The following ZNF518A variants were observed in gnomAD, a reference collection of about 807,000 sequenced individuals.
ZNF518A encodes zinc finger protein 518.
In ZNF518A, 47 loss-of-function variants were observed where a neutral mutation model predicts 102.7. The ratio of observed to expected loss-of-function variants is 0.46; its 90% CI spans 0.36 to 0.58. ZNF518A has a LOEUF of 0.58. Among genes scored for constraint, ZNF518A ranks in the 20% least tolerant of loss-of-function variants. The pLI, the probability that ZNF518A is intolerant of heterozygous loss-of-function variation, is 0.00. For missense variants in ZNF518A, 1,793 were observed against 1,699.8 expected, an observed-to-expected ratio of 1.05 and a Z score of -0.96; for synonymous variants, 652 against 594.6, an observed-to-expected ratio of 1.10 and a Z score of -1.40.
chr10:96,202,614 A>T (rs1440760272), intron 1 of ZNF518A, among the ~76,000 whole-genome samples: 2 of 152,100 alleles, frequency 1.3e-5, no homozygotes, highest in East Asian at 3.8e-4. Context: ...TTGTAAGAGG[A>T]GGGGGCAGTG....
intron 1 of ZNF518A, among the ~76,000 whole-genome samples, chr10:96,187,803 G>T (rs140908119): frequency 6.6e-6 from 1 of 152,268 alleles, no homozygotes; most frequent in East Asian, 1.9e-4. Flanking sequence ...CCATTTGTTT[G>T]TCAGCCATTG....
intron 1 of ZNF518A, chr10:96,201,146 G>T: frequency 8.4e-7 from 1 of 1,184,914 alleles, no homozygotes; most frequent in African/African-American, 1.5e-5. Context: ...ACTAGGTGCT[G>T]CCAGGGACAC....
rs183937803 is a variant in ZNF518A, at chr10:96,197,871, G to A, written n.36-5703G>A. Among the ~76,000 whole-genome samples, 476 of 149,464 alleles carry A rather than the reference G, an allele frequency of 3.2e-3. 2 individuals are homozygous for A. The highest frequency in any genetic ancestry group is 5.9e-3 in the Admixed American group (88 of 14,944). On this transcript the variant is annotated intron_variant and non_coding_transcript_variant, in intron 1 of 2. Coordinates refer to the ZNF518A transcript ENST00000442635. ...ACGGAGTTTGCAGTGAGCCAAGATCGTGCCACTGCACTCCAGCCTGGGTGA... is the reference window on the plus strand; with the variant it reads ...ACGGAGTTTGCAGTGAGCCAAGATCATGCCACTGCACTCCAGCCTGGGTGA...
chr10:96,195,941 C>G (rs2083454585), intron 1 of ZNF518A, among the ~76,000 whole-genome samples: 1 of 152,214 alleles, frequency 6.6e-6, no homozygotes, highest in African/African-American at 2.4e-5. Context: ...CAAGTGTACA[C>G]TGAAGCCAGT....
chr10:96,170,814 A>T (rs1441828454), intron 1 of ZNF518A, among the ~76,000 whole-genome samples: 3 of 152,222 alleles, frequency 2.0e-5, no homozygotes, highest in African/African-American at 7.2e-5. Context: ...ATTGGGAAGA[A>T]ATGTTGTATA....
intron 1 of ZNF518A, among the ~76,000 whole-genome samples, chr10:96,178,107 C>A (rs1554891685): frequency 1.3e-5 from 2 of 152,054 alleles, no homozygotes; most frequent in Admixed American, 1.3e-4. Context: ...AAGACTAGAG[C>A]CATATTATCA....
chr10:96,135,237 A>G (rs1440887561), intron 3 of ZNF518A: 3 of 152,240 alleles, frequency 2.0e-5, no homozygotes, highest in Admixed American at 1.3e-4. Context: ...GTGAAGCCAT[A>G]AGGAGATGGG....
chr10:96,167,193 G>C (rs975650944), downstream of ZNF518A, among the ~76,000 whole-genome samples: 1 of 152,226 alleles, frequency 6.6e-6, no homozygotes, highest in African/African-American at 2.4e-5. Flanking sequence ...GAGTGCAGTG[G>C]TTCATGCCTG....
chr10:96,174,132 TAAAA>T (rs1334104324), intron 1 of ZNF518A, among the ~76,000 whole-genome samples: 4 of 151,858 alleles, frequency 2.6e-5, no homozygotes, highest in Admixed American at 2.0e-4. Context: ...ATTTAAAAAA[TAAAA>T]AAACTTACTG....
In ZNF518A at chr10:96,158,584, T is replaced by C. The variant is rs1340843244; in HGVS notation, c.2262T>C (p.Ser754=). Residue 754 remains serine (S), a synonymous_variant, in exon 6 of 6, where the codon TCT becomes TCC. Transcript: ENST00000316045. ...ATEKSKWEDF[S]NVDSPMMPRI... ...AAAAATCTAAATGGGAAGACTTTTC[T>C]AATGTCGATTCACCTATGATGCCTA... The C allele has an allele frequency of 1.9e-6, 3 of 1,613,200 alleles. No individual in the cohort carries two copies. The highest frequency in any genetic ancestry group is 1.7e-5 in the Admixed American group (1 of 59,844).
At position 96,156,197 on chromosome 10, in the gene ZNF518A, G is replaced by T; in HGVS notation, c.-126G>T. The T allele has an allele frequency of 1.3e-6, 1 of 780,462 alleles. No individual in the cohort carries two copies. Among genetic ancestry groups the T allele is most frequent in the Non-Finnish European group, 1.8e-6 (1 of 544,144 alleles). The allele number at this position is 780,462 out of a possible 1,614,324, so 48.3% of individuals were successfully genotyped here. On this transcript the variant is annotated splice_region_variant and 5_prime_UTR_variant, in exon 6 of 6. Transcript: ENST00000316045. ...ATTTCAATTCTTTGTTTAATTTTAG[G>T]TGAGTTATTGTGGGAAAAATCCTGT...
intron 1 of ZNF518A, among the ~76,000 whole-genome samples, chr10:96,178,915 T>C (rs985243704): frequency 6.6e-6 from 1 of 152,102 alleles, no homozygotes; most frequent in East Asian, 1.9e-4. Flanking sequence ...GAAATCATAA[T>C]TGAAAACCTT....
At chr10:96,149,184 GT>G (rs1208230894) in intron 3 of ZNF518A, among the ~76,000 whole-genome samples, 1 of 152,168 alleles carries the variant, frequency 6.6e-6, no homozygotes, top group Admixed American at 6.5e-5. Flanking sequence ...GTTTATAAAT[GT>G]TTATTTTCGG....
intron 3 of ZNF518A, among the ~76,000 whole-genome samples, chr10:96,139,255 A>G (rs2081786271): frequency 6.6e-6 from 1 of 151,992 alleles, no homozygotes; most frequent in African/African-American, 2.4e-5. Flanking sequence ...AAAGAGATTA[A>G]ATTTTATTTT....
intron 1 of ZNF518A, among the ~76,000 whole-genome samples, chr10:96,176,235 T>G (rs1429759606): frequency 6.6e-6 from 1 of 152,066 alleles, no homozygotes; most frequent in Non-Finnish European, 1.5e-5. Flanking sequence ...GCCTATAAAT[T>G]TTTTCTTGAA....
intron 1 of ZNF518A, among the ~76,000 whole-genome samples, chr10:96,174,819 G>A (rs1564801386): frequency 1.3e-5 from 2 of 152,100 alleles, no homozygotes; most frequent in Non-Finnish European, 2.9e-5. Flanking sequence ...TTGAATGTTT[G>A]AGTCCCCCAC....
Position 96,163,437 on chromosome 10 carries a change from T to G in ZNF518A, c.*2663T>G, listed in dbSNP as rs899325381. ...CAGTTGAATTTCTGTGTGAGGAATT[T>G]GTTTTATTTTTTCTAGTTTGTCCAT... On this transcript the variant is annotated 3_prime_UTR_variant, in exon 6 of 6. Transcript: ENST00000316045. 1 of 162,904 alleles carries G rather than the reference T, an allele frequency of 6.1e-6. No homozygotes were observed. Among genetic ancestry groups the G allele is most frequent in the Admixed American group, 6.8e-5 (1 of 14,606 alleles). The allele number at this position is 162,904 out of a possible 1,614,324, so 10.1% of individuals were successfully genotyped here.
intron 3 of ZNF518A, among the ~76,000 whole-genome samples, chr10:96,153,583 A>G (rs1322285531): frequency 1.3e-5 from 2 of 152,216 alleles, no homozygotes; most frequent in African/African-American, 2.4e-5. Context: ...TACAAAAAAG[A>G]TTGACATTCA....
chr10:96,140,067 A>G (rs1213728197), intron 3 of ZNF518A, among the ~76,000 whole-genome samples: 1 of 152,040 alleles, frequency 6.6e-6, no homozygotes, highest in African/African-American at 2.4e-5. Flanking sequence ...TATGTTGGTC[A>G]GGCTGGTCTC....
Sources: gnomAD v4.1 joint callset for allele counts (sites outside exome capture counted in the v4.1 genomes callset) on GRCh38, gnomAD v4.1.1 for gene constraint, MANE v1.5 for transcripts, NCBI Gene and HGNC (gene_info 2026-07-23, HGNC 2026-07-21) for gene names.